GNPTAB: variants seen among roughly 807,000 people sequenced by gnomAD.
GNPTAB encodes N-acetylglucosamine-1-phosphotransferase subunits alpha/beta.
Under a neutral mutation model 136.6 loss-of-function variants are expected in GNPTAB, and 92 were observed. The observed-to-expected ratio is 0.67, with a 90% CI of 0.57 to 0.80. The LOEUF (loss-of-function observed/expected upper bound fraction) is 0.80. GNPTAB is among the 30% of genes least tolerant of loss of function. GNPTAB has a pLI of 0.00. For synonymous variants in GNPTAB, 512 were observed against 535.1 expected, an observed-to-expected ratio of 0.96 and a Z score of 0.60; for missense variants, 1,343 against 1,501.8, an observed-to-expected ratio of 0.89 and a Z score of 1.75.
intron 7 of GNPTAB, among the ~76,000 whole-genome samples, chr12:101,774,859 G>A (rs1953236641): frequency 1.3e-5 from 2 of 152,196 alleles, no homozygotes; most frequent in South Asian, 2.1e-4. Flanking sequence ...CAAAAATAAT[G>A]AGTGCAAAAG....
At position 101,773,373 on chromosome 12, in the gene GNPTAB, T is replaced by C. The variant is rs544681289; in HGVS notation, c.772-2216A>G. On this transcript the variant is annotated intron_variant, in intron 7 of 20. Coordinates refer to ENST00000299314, the MANE Select transcript of GNPTAB (RefSeq NM_024312.5). ...GTATGCAGAATGCTCGGATCCTGCT[T>C]ATACATTTTCACGAAGTCCCGAAGC... The C allele has an allele frequency of 6.0e-5, 18 of 301,662 alleles. No individual in the cohort carries two copies. The East Asian group carries it at 1.6e-3, about 27-fold the overall frequency. 18.7% of individuals were successfully genotyped at this position (301,662 alleles called of 1,614,324 possible).
In GNPTAB at chr12:101,767,076, G is replaced by A. The variant is rs184735223; in HGVS notation, c.1409-782C>T. On this transcript the variant is annotated intron_variant, in intron 11 of 20. Coordinates refer to ENST00000299314, the MANE Select transcript of GNPTAB (RefSeq NM_024312.5). ...TGTATTCTCTCTCCTCAGCTAAAGC[G>A]CATCTGACATATCTGACTGAAATAC... 5.9e-5 allele frequency among the ~76,000 whole-genome samples: 9 copies of A among 152,260 alleles called. No individual in the cohort carries two copies. The East Asian group carries it at 1.2e-3, about 20-fold the overall frequency.
intron 1 of GNPTAB, among the ~76,000 whole-genome samples, chr12:101,808,336 A>ACTGCTCGAGCCCAGGAGTT (rs1870039505): frequency 6.7e-6 from 1 of 150,172 alleles, no homozygotes; most frequent in African/African-American, 2.5e-5. Flanking sequence ...AGGTGGGAGG[A>ACTGCTCGAGCCCAGGAGTT]CTGCTCGAGC....
chr12:101,826,501 TTTTAA>T (rs1871090085), intron 1 of GNPTAB, among the ~76,000 whole-genome samples: 1 of 107,694 alleles, frequency 9.3e-6, no homozygotes, highest in African/African-American at 4.2e-5. Context: ...TTTTTCTGAT[TTTTAA>T]TTTTTTTTTT....
chr12:101,809,496 A>G (rs1171252978), intron 1 of GNPTAB, among the ~76,000 whole-genome samples: 2 of 152,232 alleles, frequency 1.3e-5, no homozygotes, highest in Non-Finnish European at 2.9e-5. Context: ...TTTATTCATA[A>G]TTGCCCCAAA....
rs1201804272 is a variant in GNPTAB, at chr12:101,830,934, G to C, written c.-259C>G. On this transcript the variant is annotated 5_prime_UTR_variant, in exon 1 of 21. Transcript: ENST00000299314. The stretch of plus-strand genomic sequence containing the variant: ...CCGGCGAGGCGGCCGGCGCCGCCCG[G>C]GTCTGGCCGGGCGAGAGGCGGCTGC... 6.7e-6 allele frequency: 1 copy of C among 149,082 alleles called. No homozygotes were observed. Among genetic ancestry groups the C allele is most frequent in the Non-Finnish European group, 1.5e-5 (1 of 66,970 alleles). The allele number at this position is 149,082 out of a possible 1,614,324, so 9.2% of individuals were successfully genotyped here. A position where few individuals can be genotyped will look rare whatever the true frequency, so the allele number is the denominator to read the frequency against.
rs17032008 is a variant in GNPTAB, at chr12:101,788,791, A to G, written c.324-202T>C. The stretch of plus-strand genomic sequence containing the variant: ...GAATTTGCTCCAATATAAGGTGGCC[A>G]AAGACCTGCACTGGGGTGCACTCTT... On this transcript the variant is annotated intron_variant, in intron 3 of 20. Transcript: ENST00000299314. Among the ~76,000 whole-genome samples, 3,408 of 152,336 alleles carry G rather than the reference A, an allele frequency of 0.022. 347 individuals carry two copies. The East Asian group carries it at 0.31, about 14-fold the overall frequency.
intron 2 of GNPTAB, chr12:101,796,239 T>A (rs1869275695): frequency 1.4e-6 from 1 of 702,364 alleles, no homozygotes; most frequent in Non-Finnish European, 2.6e-6. Flanking sequence ...TACAGGGGGA[T>A]GAAATTCCCT....
rs146177204 is a variant in GNPTAB at position 101,765,255 on chromosome 12, G to T, written c.1662C>A (p.His554Gln). The T allele has an allele frequency of 6.2e-6, 10 of 1,613,742 alleles. No individual in the cohort carries two copies. The highest frequency in any genetic ancestry group is 7.6e-6 in the Non-Finnish European group (9 of 1,179,810). ...YKVILLPNQT[H>Q]YIIPKGECLP... ...GGCATTCACCTTTTGGAATAATATA[G>T]TGAGTCTGGTTTGGGAGAAGGATCA... The change falls in exon 13 of 21, where the codon CAC (histidine) becomes CAA (glutamine). Residue 554 changes from histidine to glutamine, a missense_variant. Physicochemically the swap from His to Gln is conservative, Grantham distance 24 (BLOSUM62 0). Transcript: ENST00000299314.
At chr12:101,758,830 C>T (rs12319390) in intron 16 of GNPTAB, among the ~76,000 whole-genome samples, 5,818 of 152,126 alleles carry the variant, frequency 0.038, 415 homozygotes, top group East Asian at 0.31. Flanking sequence ...TTTGCAAGAT[C>T]GTAATTTTTT....
chr12:101,806,646 T>C (rs920577689), intron 1 of GNPTAB, among the ~76,000 whole-genome samples: 16 of 152,182 alleles, frequency 1.1e-4, no homozygotes, highest in African/African-American at 3.6e-4. Context: ...AGGAGCATTA[T>C]GAACAACTCT....
chr12:101,818,411 T>A (rs1870618858), intron 1 of GNPTAB, among the ~76,000 whole-genome samples: 2 of 148,824 alleles, frequency 1.3e-5, no homozygotes, highest in Admixed American at 6.8e-5. Flanking sequence ...AGAGTCTTAC[T>A]CTGTTGCCCA....
intron 1 of GNPTAB, among the ~76,000 whole-genome samples, chr12:101,798,057 C>T (rs764264257): frequency 4.1e-4 from 62 of 152,310 alleles, no homozygotes; most frequent in South Asian, 8.3e-4. Flanking sequence ...TCATCTCCTG[C>T]TTTCCCACTC....
chr12:101,764,311 T>G lies in GNPTAB; in HGVS notation c.2606A>C (p.His869Pro), dbSNP rs761471268. The G allele has an allele frequency of 6.2e-7, 1 of 1,613,940 alleles. No homozygotes were observed. The highest frequency in any genetic ancestry group is 8.5e-7 in the Non-Finnish European group (1 of 1,180,014). Residue 869 changes from histidine (H) to proline (P), a missense_variant, in exon 13 of 21, where the codon CAC becomes CCC. Coordinates refer to ENST00000299314, the MANE Select transcript of GNPTAB (RefSeq NM_024312.5). The stretch of plus-strand genomic sequence containing the variant: ...AAGTAACACTTCAGTAACGCCTATG[T>G]GATTTTCAGCATTTTCCTCCATTCT... ...NSRMEENAEN[H>P]IGVTEVLLGR...
intron 19 of GNPTAB, among the ~76,000 whole-genome samples, chr12:101,752,569 A>T (rs1366958375): frequency 6.6e-6 from 1 of 152,224 alleles, no homozygotes; most frequent in Non-Finnish European, 1.5e-5. Context: ...TTTACACTCC[A>T]CTATTTCAGT....
intron 1 of GNPTAB, among the ~76,000 whole-genome samples, chr12:101,819,249 T>C (rs1217320341): frequency 6.6e-6 from 1 of 152,156 alleles, no homozygotes; most frequent in East Asian, 1.9e-4. Flanking sequence ...TGACCTGAGG[T>C]GATCCACCTG....
intron 11 of GNPTAB, among the ~76,000 whole-genome samples, chr12:101,766,516 T>C (rs978693310): frequency 1.3e-5 from 2 of 152,068 alleles, no homozygotes; most frequent in Non-Finnish European, 2.9e-5. Flanking sequence ...TGGGCGCCTG[T>C]AATCCCAACT....
chr12:101,763,714 A>C (rs1360439638), intron 13 of GNPTAB, among the ~76,000 whole-genome samples: 1 of 152,200 alleles, frequency 6.6e-6, no homozygotes, highest in Admixed American at 6.5e-5. Context: ...CCGTGAGAGC[A>C]CTGAGGAGAG....
chr12:101,765,091 G>T lies in GNPTAB; in HGVS notation c.1826C>A (p.Thr609Asn), dbSNP rs138811990. Residue 609 changes from threonine (T) to asparagine (N), a missense_variant, in exon 13 of 21, where the codon ACC (threonine) becomes AAC (asparagine). Transcript: ENST00000299314. The stretch of plus-strand genomic sequence containing the variant: ...AAACGTGAGATTAAAATGTATTGTG[G>T]TGGCATTCATTCCACTGTGCATTAT... ...HLIMHSGMNA[T>N]TIHFNLTFQN... The T allele has an allele frequency of 1.1e-4, 172 of 1,614,068 alleles. No individual in the cohort carries two copies. In the African/African-American group the frequency reaches 2.0e-3, roughly 19 times the overall value.
Sources: allele counts gnomAD v4.1 joint callset (sites outside exome capture counted in the v4.1 genomes callset), GRCh38; gene constraint gnomAD v4.1.1; transcripts MANE v1.5; gene names NCBI Gene and HGNC (gene_info 2026-07-23, HGNC 2026-07-21).